Variants in RSBN1L observed in about 807,000 individuals in gnomAD.
RSBN1L encodes the protein round spermatid basic protein 1 like, also known as lysine-specific demethylase RSBN1L.
In RSBN1L, 30 loss-of-function variants were observed where a neutral mutation model predicts 67.7. That is an observed-to-expected ratio of 0.44 (90% CI 0.33 to 0.60). The LOEUF (loss-of-function observed/expected upper bound fraction) is 0.60, where lower values mean the gene tolerates loss of function less well. Ranked by LOEUF, RSBN1L falls within the 20% of genes least tolerant of loss-of-function variation. The probability of loss-of-function intolerance (pLI) is 0.02; values close to 1 mark genes in which losing one functional copy is unlikely to be tolerated. For synonymous variants in RSBN1L, 433 were observed against 387.0 expected, an observed-to-expected ratio of 1.12 and a Z score of -1.39; for missense variants, 992 against 1,031.7, an observed-to-expected ratio of 0.96 and a Z score of 0.53.
At chr7:77,722,482 A>T (rs1791132886) in intron 1 of RSBN1L, among the ~76,000 whole-genome samples, 1 of 152,180 alleles carries the variant, frequency 6.6e-6, no homozygotes, top group African/African-American at 2.4e-5. Context: ...CACGGAAAAA[A>T]GGGCTGAGAA....
Position 77,755,648 on chromosome 7 carries a change from CAG to C in RSBN1L, c.1344+5587_1344+5588del, listed in dbSNP as rs1049939840. ...CGCCATTGCACTCTAGCTTGGGTGA[CAG>C]AGTGAGACTTGTCTCAAAAACAAAA... On this transcript the variant is annotated intron_variant, in intron 3 of 7. Coordinates refer to ENST00000334955, the MANE Select transcript of RSBN1L (RefSeq NM_198467.3). Among the ~76,000 whole-genome samples the C allele has an allele frequency of 4.4e-4, 63 of 143,960 alleles. 1 individual carries two copies. The highest frequency in any genetic ancestry group is 1.6e-3 in the African/African-American group (60 of 36,372). 94.4% of individuals were successfully genotyped at this position (143,960 alleles called of 152,430 possible).
chr7:77,743,129 T>C (rs992879493), intron 2 of RSBN1L, among the ~76,000 whole-genome samples: 1 of 152,124 alleles, frequency 6.6e-6, no homozygotes, highest in Non-Finnish European at 1.5e-5. Context: ...CACAGGCCAC[T>C]GCAGCCTTTA....
At chr7:77,754,933 C>A (rs1791598015) in intron 3 of RSBN1L, among the ~76,000 whole-genome samples, 1 of 152,070 alleles carries the variant, frequency 6.6e-6, no homozygotes. Flanking sequence ...TTAGAAAAAA[C>A]TAGTTTTCCA....
chr7:77,737,355 A>G (rs936117540), intron 2 of RSBN1L, among the ~76,000 whole-genome samples: 1 of 152,174 alleles, frequency 6.6e-6, no homozygotes, highest in Non-Finnish European at 1.5e-5. Context: ...AATTGTTGAT[A>G]AGGCTTTATA....
chr7:77,706,365 C>T (rs919961867), intron 1 of RSBN1L, among the ~76,000 whole-genome samples: 2 of 152,062 alleles, frequency 1.3e-5, no homozygotes, highest in South Asian at 2.1e-4. Flanking sequence ...CCTGAGCCAC[C>T]GCGCCCAGCA....
intron 1 of RSBN1L, among the ~76,000 whole-genome samples, chr7:77,709,074 T>C (rs1790932480): frequency 6.6e-6 from 1 of 152,042 alleles, no homozygotes; most frequent in Non-Finnish European, 1.5e-5. Flanking sequence ...AGAGTTTTGT[T>C]ATCAGATAGA....
rs1291224820 is a variant in RSBN1L at position 77,749,933 on chromosome 7, C to A, written c.1213C>A (p.His405Asn). The change falls in exon 3 of 8, where the codon CAT becomes AAT. Residue 405 changes from histidine to asparagine, a missense_variant. By Grantham distance (68) the His-to-Asn change is moderately conservative (BLOSUM62 1). Coordinates refer to ENST00000334955, the MANE Select transcript of RSBN1L (RefSeq NM_198467.3). ...AGCTTTCTACGTGATGGGTATTGTT[C>A]ATGGGGCAGCTACTTATTTACCTGA... ...SAAFYVMGIV[H>N]GAATYLPDFL... 1 of 1,614,048 alleles carries A rather than the reference C, an allele frequency of 6.2e-7. No homozygotes were observed. Among genetic ancestry groups the A allele is most frequent in the Non-Finnish European group, 8.5e-7 (1 of 1,180,014 alleles).
intron 2 of RSBN1L, among the ~76,000 whole-genome samples, chr7:77,740,985 C>CTTTTTTTT (rs869081974): frequency 1.9e-5 from 2 of 102,926 alleles, no homozygotes; most frequent in Non-Finnish European, 1.9e-5. Context: ...CTTTTCTTTT[C>CTTTTTTTT]TTTTTTTTTT....
At chr7:77,717,566 G>A (rs1037019139) in intron 1 of RSBN1L, among the ~76,000 whole-genome samples, 2 of 152,172 alleles carry the variant, frequency 1.3e-5, no homozygotes, top group African/African-American at 4.8e-5. Context: ...CTTAAATGCT[G>A]TGGCAAAGTG....
At chr7:77,741,280 C>T (rs949947750) in intron 2 of RSBN1L, among the ~76,000 whole-genome samples, 1 of 151,894 alleles carries the variant, frequency 6.6e-6, no homozygotes, top group Admixed American at 6.5e-5. Flanking sequence ...AGCCACTGCA[C>T]CTGGCCACCA....
chr7:77,764,441 A>T (rs1191192260), intron 3 of RSBN1L, among the ~76,000 whole-genome samples: 1 of 152,276 alleles, frequency 6.6e-6, no homozygotes, highest in Non-Finnish European at 1.5e-5. Context: ...TTTGAATGCC[A>T]CCCATTTGCT....
intron 3 of RSBN1L, 56 bp downstream of exon 3, chr7:77,750,120 T>G: frequency 7.2e-6 from 8 of 1,105,424 alleles, no homozygotes; most frequent in Non-Finnish European, 9.7e-6. Flanking sequence ...TTAGATGAGT[T>G]TCTGTTTTTT....
At chr7:77,742,627 C>T (rs1207461739) in intron 2 of RSBN1L, among the ~76,000 whole-genome samples, 1 of 151,780 alleles carries the variant, frequency 6.6e-6, no homozygotes, top group Non-Finnish European at 1.5e-5. Flanking sequence ...CACTTGAGGT[C>T]AGGAGTTTGA....
intron 3 of RSBN1L, among the ~76,000 whole-genome samples, chr7:77,756,238 T>C (rs1193239786): frequency 1.3e-5 from 2 of 151,970 alleles, no homozygotes; most frequent in African/African-American, 4.8e-5. Context: ...TTCAAGCGGT[T>C]CTCCTGCCTC....
Position 77,696,635 on chromosome 7 carries a change from G to C in RSBN1L, c.166G>C (p.Val56Leu), listed in dbSNP as rs770658350. 5.0e-6 allele frequency: 8 copies of C among 1,613,992 alleles called. No individual in the cohort carries two copies. In the Admixed American group the frequency reaches 1.2e-4, roughly 24 times the overall value. ...RTEEKKAPRR[V>L]NGEGGSGGNS... The stretch of plus-strand genomic sequence containing the variant: ...TGAGGAGAAGAAGGCACCGCGGAGA[G>C]TGAACGGAGAAGGGGGCAGCGGCGG... The change falls in exon 1 of 8, where the codon GTG (valine) becomes CTG (leucine). Residue 56 changes from valine (V) to leucine (L), a missense_variant. Coordinates refer to ENST00000334955, the MANE Select transcript of RSBN1L (RefSeq NM_198467.3).
At chr7:77,712,532 G>A (rs1267299517) in intron 1 of RSBN1L, among the ~76,000 whole-genome samples, 2 of 152,118 alleles carry the variant, frequency 1.3e-5, no homozygotes, top group Admixed American at 1.3e-4. Context: ...ACCCTCCTCA[G>A]CCTCCCAAAG....
At chr7:77,711,779 TAC>T (rs1770314122) in intron 1 of RSBN1L, among the ~76,000 whole-genome samples, 2 of 152,380 alleles carry the variant, frequency 1.3e-5, no homozygotes, top group South Asian at 4.1e-4. Flanking sequence ...CATGTTTAAG[TAC>T]AGTGTAAATT....
Position 77,758,583 on chromosome 7 carries a change from ATTCT to A in RSBN1L, c.1345-6905_1345-6902del, listed in dbSNP as rs562360058. Reference sequence around the variant, plus strand: ...TGCAGTGAAATCGTAGGCTTTATTCATTCTTTCTTTTTTTGTGTGTGCGCATTAA... The same window carrying A: ...TGCAGTGAAATCGTAGGCTTTATTCATTCTTTTTTTGTGTGTGCGCATTAA... On this transcript the variant is annotated intron_variant, in intron 3 of 7. Coordinates refer to ENST00000334955, the MANE Select transcript of RSBN1L (RefSeq NM_198467.3). Among the ~76,000 whole-genome samples the A allele has an allele frequency of 1.4e-4, 21 of 151,962 alleles. No homozygotes were observed. The East Asian group carries it at 3.7e-3, about 27-fold the overall frequency.
At chr7:77,714,473 A>G (rs887992184) in intron 1 of RSBN1L, among the ~76,000 whole-genome samples, 1 of 152,192 alleles carries the variant, frequency 6.6e-6, no homozygotes, top group African/African-American at 2.4e-5. Flanking sequence ...TTTTCGGTCT[A>G]GCTTTTTTCA....
Sources: allele counts gnomAD v4.1 joint callset (sites outside exome capture counted in the v4.1 genomes callset), GRCh38; gene constraint gnomAD v4.1.1; transcripts MANE v1.5; gene names NCBI Gene and HGNC (gene_info 2026-07-23, HGNC 2026-07-21).